The following DBT variants were observed in gnomAD, a reference collection of about 807,000 sequenced individuals.
DBT encodes the protein lipoamide acyltransferase component of branched-chain alpha-keto acid dehydrogenase complex, mitochondrial.
Under a neutral mutation model 51.3 loss-of-function variants are expected in DBT, and 40 were observed. That is an observed-to-expected ratio of 0.78 (90% CI 0.61 to 1.02). The LOEUF is 1.02. DBT is among the 50% of genes least tolerant of loss of function. The pLI is 0.00. For synonymous variants in DBT, 181 were observed against 190.4 expected (o/e 0.95, Z 0.41); for missense variants, 510 against 580.2 (o/e 0.88, Z 1.24).
At chr1:100,240,930 AC>A (rs1664177386) in intron 1 of DBT, 46 bp from the exon 2 acceptor site, 1 of 1,584,012 alleles carries the variant, frequency 6.3e-7, no homozygotes, top group African/African-American at 1.3e-5. Context: ...AAACAACCAT[AC>A]CGGCTTATCT....
At chr1:100,206,072 TAAAA>T (rs35150096) in intron 10 of DBT, among the ~76,000 whole-genome samples, 154 bp downstream of exon 10, 1 of 124,858 alleles carries the variant, frequency 8.0e-6, no homozygotes. Context: ...AACTTAAAGT[TAAAA>T]AAAAAAAAAA....
In DBT at chr1:100,240,902, A is replaced by G; in HGVS notation, c.52-18T>C. On this transcript the variant is annotated intron_variant, in intron 1 of 10. Transcript: ENST00000370132. ...ACACAAATCTACAGATGAGAAAACA[A>G]AAAGTAAAAGCATTTATAAACAACC... 6.2e-7 allele frequency: 1 copy of G among 1,611,942 alleles called. No homozygotes were observed. The highest frequency in any genetic ancestry group is 2.2e-5 in the East Asian group (1 of 44,710).
intron 10 of DBT, among the ~76,000 whole-genome samples, chr1:100,200,831 A>G (rs4908043): frequency 0.99 from 150,917 of 152,334 alleles, 74,771 homozygotes; most frequent in Middle Eastern, 1. Context: ...CTGTTAGAAG[A>G]AAAACTAACA....
Position 100,206,310 on chromosome 1 carries a change from T to TTAA in DBT, c.1210-10_1210-9insTTA. ...GCAAAGGTACCACCAATCTATTTTTTAAAAAAAAAAAAAGGAGAGTATTAA... is the reference window on the plus strand; with the variant it reads ...GCAAAGGTACCACCAATCTATTTTTTTAAAAAAAAAAAAAAAGGAGAGTATTAA... On this transcript the variant is annotated splice_polypyrimidine_tract_variant and intron_variant, in intron 9 of 10. Transcript: ENST00000370132. 2 of 1,432,210 alleles carry TTAA rather than the reference T, an allele frequency of 1.4e-6. No homozygotes were observed. The highest frequency in any genetic ancestry group is 1.9e-6 in the Non-Finnish European group (2 of 1,041,522). 88.7% of individuals were successfully genotyped at this position (1,432,210 alleles called of 1,614,324 possible).
intron 7 of DBT, chr1:100,213,330 C>T: frequency 6.6e-7 from 1 of 1,516,204 alleles, no homozygotes; most frequent in African/African-American, 1.4e-5. Flanking sequence ...CGGCCGCCCG[C>T]CTACAACCTG....
chr1:100,242,779 G>A (rs1664297706), intron 1 of DBT, among the ~76,000 whole-genome samples: 1 of 152,150 alleles, frequency 6.6e-6, no homozygotes, highest in African/African-American at 2.4e-5. Flanking sequence ...ATAAAGGAAA[G>A]TTTTGAAGTA....
At chr1:100,211,176 G>A in intron 7 of DBT, 1 of 771,326 alleles carries the variant, frequency 1.3e-6, no homozygotes, top group Non-Finnish European at 2.4e-6. Context: ...TGTGTGGAAA[G>A]AACACGTAAC....
chr1:100,247,516 T>G (rs764614946), intron 1 of DBT, among the ~76,000 whole-genome samples: 2 of 151,742 alleles, frequency 1.3e-5, no homozygotes, highest in South Asian at 4.2e-4. Context: ...CTGGCCAACA[T>G]GGCAAAACCC....
In DBT at chr1:100,225,050, T is replaced by TACAC. The variant is rs56152348; in HGVS notation, c.433+5682_433+5683insGTGT. 2.1e-3 allele frequency among the ~76,000 whole-genome samples: 162 copies of TACAC among 78,102 alleles called. 4 individuals carry two copies. The highest frequency in any genetic ancestry group is 4.0e-3 in the East Asian group (10 of 2,512). The allele number at this position is 78,102 out of a possible 152,430, so 51.2% of individuals were successfully genotyped here. A position where few individuals can be genotyped will look rare whatever the true frequency, so the allele number is the denominator to read the frequency against. On this transcript the variant is annotated intron_variant, in intron 4 of 10. Coordinates refer to ENST00000370132, the MANE Select transcript of DBT (RefSeq NM_001918.5). The stretch of plus-strand genomic sequence containing the variant: ...AAAAAAAAAAAAAAAAAAATATATA[T>TACAC]ATACACACACACACACACACACACA...
At chr1:100,203,401 A>G (rs1661568732) in intron 10 of DBT, among the ~76,000 whole-genome samples, 1 of 152,216 alleles carries the variant, frequency 6.6e-6, no homozygotes, top group Non-Finnish European at 1.5e-5. Context: ...CTAAATCAGG[A>G]AAAAGTCGAC....
intron 3 of DBT, among the ~76,000 whole-genome samples, chr1:100,233,931 A>C (rs1320231696): frequency 1.3e-5 from 2 of 152,274 alleles, no homozygotes; most frequent in Admixed American, 6.5e-5. Flanking sequence ...GACCAGTATA[A>C]GCCTGCCAGG....
intron 5 of DBT, among the ~76,000 whole-genome samples, chr1:100,216,452 A>T (rs76189232): frequency 6.6e-6 from 1 of 152,134 alleles, no homozygotes; most frequent in South Asian, 2.1e-4. Flanking sequence ...TTTTAAAAAA[A>T]TTTTTTGTAG....
chr1:100,217,809 G>C (rs1352689471), intron 5 of DBT, among the ~76,000 whole-genome samples: 1 of 152,054 alleles, frequency 6.6e-6, no homozygotes, highest in African/African-American at 2.4e-5. Context: ...TGTCTATAGT[G>C]TCTGGCACAT....
chr1:100,187,002 C>A lies in DBT; in HGVS notation c.*9253G>T, dbSNP rs1660596556. On this transcript the variant is annotated 3_prime_UTR_variant, in exon 11 of 11. Transcript: ENST00000370132. ...AGGACATTGGAAATGACTTTTAAAT[C>A]TCCATTTGAGAAAAAGCATGCCATG... 6.6e-6 allele frequency: 1 copy of A among 152,160 alleles called. No homozygotes were observed. Among genetic ancestry groups the A allele is most frequent in the Admixed American group, 6.5e-5 (1 of 15,286 alleles). 9.4% of individuals were successfully genotyped at this position (152,160 alleles called of 1,614,324 possible).
At chr1:100,200,854 T>C (rs1450944437) in intron 10 of DBT, among the ~76,000 whole-genome samples, 1 of 152,084 alleles carries the variant, frequency 6.6e-6, no homozygotes, top group African/African-American at 2.4e-5. Context: ...CAGAAAGGAA[T>C]AGTATCAACA....
At chr1:100,228,674 C>T (rs756827117) in intron 4 of DBT, among the ~76,000 whole-genome samples, 4 of 152,246 alleles carry the variant, frequency 2.6e-5, no homozygotes, top group Admixed American at 6.5e-5. Context: ...ATGGGAGAGT[C>T]GCTTGAACCT....
rs1404949941 is a variant in DBT, at chr1:100,195,254, A to G, written c.*1001T>C. 1 of 152,640 alleles carries G rather than the reference A, an allele frequency of 6.6e-6. No homozygotes were observed. Among genetic ancestry groups the G allele is most frequent in the Non-Finnish European group, 1.5e-5 (1 of 68,048 alleles). The allele number at this position is 152,640 out of a possible 1,614,324, so 9.5% of individuals were successfully genotyped here. Reference sequence around the variant, plus strand: ...TAAAGTACCTTCCTTACATGAGGGAAGTTTGCAAAGGTGAAGGTCTTCCCC... The same window carrying G: ...TAAAGTACCTTCCTTACATGAGGGAGGTTTGCAAAGGTGAAGGTCTTCCCC... On this transcript the variant is annotated 3_prime_UTR_variant, in exon 11 of 11. Coordinates refer to ENST00000370132, the MANE Select transcript of DBT (RefSeq NM_001918.5).
At chr1:100,229,880 T>C (rs762961045) in intron 4 of DBT, among the ~76,000 whole-genome samples, 108 of 152,224 alleles carry the variant, frequency 7.1e-4, no homozygotes, top group Admixed American at 9.2e-4. Flanking sequence ...TCTGTAACAT[T>C]CTCATGATGA....
intron 1 of DBT, among the ~76,000 whole-genome samples, chr1:100,243,885 TCTAA>T (rs1487186690): frequency 2.7e-5 from 4 of 150,280 alleles, no homozygotes; most frequent in African/African-American, 4.9e-5. Flanking sequence ...ACATGCATGC[TCTAA>T]CTTTTTGTAA....
Sources: gnomAD v4.1 joint callset for allele counts (sites outside exome capture counted in the v4.1 genomes callset) on GRCh38, gnomAD v4.1.1 for gene constraint, MANE v1.5 for transcripts, NCBI Gene and HGNC (gene_info 2026-07-23, HGNC 2026-07-21) for gene names.